Variants in PARM1 observed in about 807,000 individuals in gnomAD.
PARM1 encodes the protein WSC4, cell wall integrity and stress response component 4 homolog.
PARM1 carries 14 observed loss-of-function variants against 24.6 expected under a neutral mutation model. The observed-to-expected ratio is 0.57, with a 90% CI of 0.38 to 0.89. The LOEUF (loss-of-function observed/expected upper bound fraction) is 0.89. Ranked by LOEUF, PARM1 falls within the 40% of genes least tolerant of loss-of-function variation. PARM1 has a pLI of 0.00. For missense variants in PARM1, 362 were observed against 380.4 expected (o/e 0.95, Z 0.40); for synonymous variants, 179 against 156.6 (o/e 1.14, Z -1.07).
At chr4:74,990,311 G>GC (rs1439472604) in intron 1 of PARM1, among the ~76,000 whole-genome samples, 1 of 152,178 alleles carries the variant, frequency 6.6e-6, no homozygotes, top group Non-Finnish European at 1.5e-5. Context: ...GGGAGCAACT[G>GC]CAGTAGGTCC....
intron 1 of PARM1, among the ~76,000 whole-genome samples, chr4:75,009,086 C>A (rs1205165031): frequency 6.6e-6 from 1 of 152,120 alleles, no homozygotes; most frequent in East Asian, 1.9e-4. Flanking sequence ...TGTATTCATT[C>A]TAAAACTGTT....
intron 1 of PARM1, chr4:74,965,574 G>T (rs149457042): frequency 6.6e-6 from 1 of 152,308 alleles, no homozygotes; most frequent in East Asian, 1.9e-4. Flanking sequence ...AGCCTTGAGA[G>T]GTGGGTTTCA....
intron 1 of PARM1, among the ~76,000 whole-genome samples, chr4:74,962,850 C>A (rs1231855648): frequency 6.6e-6 from 1 of 152,118 alleles, no homozygotes; most frequent in Non-Finnish European, 1.5e-5. Context: ...GATGGTTGCT[C>A]AGAAATGTAA....
intron 1 of PARM1, among the ~76,000 whole-genome samples, chr4:74,982,168 A>C (rs1722270079): frequency 6.6e-6 from 1 of 152,206 alleles, no homozygotes; most frequent in Non-Finnish European, 1.5e-5. Context: ...GCTGGAAGCC[A>C]TTATTTTCTG....
intron 1 of PARM1, among the ~76,000 whole-genome samples, chr4:74,988,624 A>C (rs1560784775): frequency 6.6e-6 from 1 of 152,200 alleles, no homozygotes; most frequent in Non-Finnish European, 1.5e-5. Flanking sequence ...AATGTTATAA[A>C]AGTGTAAAAG....
chr4:74,952,608 T>A (rs1721548588), intron 1 of PARM1, among the ~76,000 whole-genome samples: 1 of 152,188 alleles, frequency 6.6e-6, no homozygotes, highest in Admixed American at 6.5e-5. Context: ...TTGTATAAGG[T>A]GTAAGGAAGG....
intron 1 of PARM1, among the ~76,000 whole-genome samples, chr4:74,971,366 G>T (rs1270403581): frequency 6.6e-6 from 1 of 152,130 alleles, no homozygotes; most frequent in African/African-American, 2.4e-5. Flanking sequence ...CCTCTCACCT[G>T]GTCCCTCTCA....
At chr4:74,934,577 G>T (rs932558448) in intron 1 of PARM1, among the ~76,000 whole-genome samples, 1 of 152,206 alleles carries the variant, frequency 6.6e-6, no homozygotes, top group South Asian at 2.1e-4. Context: ...CCTCTTTCTC[G>T]CTGGTATCTC....
At chr4:74,936,456 T>TG (rs372873931) in intron 1 of PARM1, among the ~76,000 whole-genome samples, 93,017 of 144,438 alleles carry the variant, frequency 0.64, 30,816 homozygotes, top group East Asian at 0.89. Context: ...TTTGTTTGTT[T>TG]TTTTGTTTTT....
intron 3 of PARM1, among the ~76,000 whole-genome samples, chr4:75,036,166 A>C (rs957924831): frequency 3.9e-5 from 6 of 152,232 alleles, no homozygotes; most frequent in African/African-American, 1.4e-4. Context: ...ATTATCAAAA[A>C]TACGACCTTC....
intron 2 of PARM1, among the ~76,000 whole-genome samples, chr4:75,015,488 A>G (rs1378268826): frequency 2.0e-5 from 3 of 152,244 alleles, no homozygotes; most frequent in Non-Finnish European, 4.4e-5. Context: ...ATGTATCCTT[A>G]TGACCTACTA....
intron 3 of PARM1, 21 bp downstream of exon 3, chr4:75,033,982 A>G (rs769289626): frequency 1.6e-5 from 24 of 1,547,106 alleles, no homozygotes; most frequent in Non-Finnish European, 1.9e-5. Flanking sequence ...GCTTACTCTT[A>G]AAAAAAAGGG....
At chr4:74,988,238 A>C (rs1201274403) in intron 1 of PARM1, among the ~76,000 whole-genome samples, 2 of 152,246 alleles carry the variant, frequency 1.3e-5, no homozygotes, top group Non-Finnish European at 2.9e-5. Context: ...GGCCATGTGC[A>C]CAGTATACAT....
chr4:75,012,791 C>T lies in PARM1; in HGVS notation c.410C>T (p.Thr137Ile). The T allele has an allele frequency of 1.2e-6, 2 of 1,613,984 alleles. No homozygotes were observed. The highest frequency in any genetic ancestry group is 1.7e-6 in the Non-Finnish European group (2 of 1,179,876). Residue 137 changes from threonine to isoleucine, a missense_variant, in exon 2 of 4, where the codon ACA (threonine) becomes ATA (isoleucine). Physicochemically the swap from Thr to Ile is moderately conservative, Grantham distance 89 (BLOSUM62 -1). Transcript: ENST00000307428. ...SGTPEAGVAA[T>I]LSQSAAEPPT... The stretch of plus-strand genomic sequence containing the variant: ...ACTCCTGAAGCAGGCGTGGCAGCTA[C>T]ACTGTCGCAGTCCGCTGCTGAGCCT...
At chr4:75,010,433 T>C (rs912949187) in intron 1 of PARM1, among the ~76,000 whole-genome samples, 1 of 152,218 alleles carries the variant, frequency 6.6e-6, no homozygotes, top group East Asian at 1.9e-4. Context: ...AGATGAATAA[T>C]GATGGTTGCA....
At chr4:75,034,835 C>A (rs961617880) in intron 3 of PARM1, 5 of 152,464 alleles carry the variant, frequency 3.3e-5, no homozygotes, top group African/African-American at 7.2e-5. Context: ...AGCTCCTCTG[C>A]CCTGTCATTC....
chr4:75,011,902 A>G (rs1202477439), intron 1 of PARM1, among the ~76,000 whole-genome samples: 1 of 152,168 alleles, frequency 6.6e-6, no homozygotes, highest in African/African-American at 2.4e-5. Context: ...TGCAGAATGG[A>G]TAGCCCTCAA....
At chr4:74,944,578 G>A (rs1328856367) in intron 1 of PARM1, among the ~76,000 whole-genome samples, 1 of 152,064 alleles carries the variant, frequency 6.6e-6, no homozygotes, top group Admixed American at 6.5e-5. Context: ...CATGTTCTCC[G>A]AGTGAAATGA....
intron 1 of PARM1, among the ~76,000 whole-genome samples, chr4:74,992,790 C>A (rs977509399): frequency 6.6e-6 from 1 of 152,086 alleles, no homozygotes; most frequent in Non-Finnish European, 1.5e-5. Context: ...CTCTTTCAGA[C>A]ATACACAATC....
Sources: gnomAD v4.1 joint callset for allele counts (sites outside exome capture counted in the v4.1 genomes callset) on GRCh38, gnomAD v4.1.1 for gene constraint, MANE v1.5 for transcripts, NCBI Gene and HGNC (gene_info 2026-07-23, HGNC 2026-07-21) for gene names.